The following GRIN2B variants were observed in gnomAD, a reference collection of about 807,000 sequenced individuals.
GRIN2B encodes the protein glutamate ionotropic receptor NMDA type subunit 2B.
GRIN2B carries 5 observed loss-of-function variants against 114.5 expected under a neutral mutation model. The ratio of observed to expected loss-of-function variants is 0.04; its 90% CI spans 0.02 to 0.09. GRIN2B has a LOEUF of 0.09. Among genes scored for constraint, GRIN2B ranks in the 10% least tolerant of loss-of-function variants. GRIN2B has a pLI of 1.00. For missense variants in GRIN2B, 1,108 were observed against 1,943.5 expected, an observed-to-expected ratio of 0.57 and a Z score of 8.08; for synonymous variants, 787 against 745.1, an observed-to-expected ratio of 1.06 and a Z score of -0.92.
rs116623250 is a variant in GRIN2B, at chr12:13,903,443, G to A, written c.-18-37217C>T. Among the ~76,000 whole-genome samples, 478 of 152,070 alleles carry A rather than the reference G, an allele frequency of 3.1e-3. 3 individuals are homozygous for A. Among genetic ancestry groups the A allele is most frequent in the African/African-American group, 0.01 (435 of 41,518 alleles). On this transcript the variant is annotated intron_variant, in intron 2 of 13. Coordinates refer to ENST00000609686, the MANE Select transcript of GRIN2B (RefSeq NM_000834.5). Reference sequence around the variant, plus strand: ...TAGCATTTTAGTTATTGTTCAATTCGAAATAGTTTCTAAACTTCTATTATG... The same window carrying A: ...TAGCATTTTAGTTATTGTTCAATTCAAAATAGTTTCTAAACTTCTATTATG...
rs374746622 is a variant in GRIN2B, at chr12:13,563,316, C to T, written c.3922G>A (p.Val1308Met). The T allele has an allele frequency of 4.6e-5, 74 of 1,614,074 alleles. No homozygotes were observed. The highest frequency in any genetic ancestry group is 1.6e-4 in the Middle Eastern group (1 of 6,084). ...GCGGCTTCTTCCTTCTGCAGGTCCA[C>T]GAAGGTGTCGTAGGAGTGCTGCCGG... ...LRRQHSYDTF[V>M]DLQKEEAALA... The change falls in exon 14 of 14, where the codon GTG becomes ATG. Residue 1308 changes from valine (V) to methionine (M), a missense_variant. Transcript: ENST00000609686.
At chr12:13,661,187 AT>A (rs1949919283) in intron 5 of GRIN2B, among the ~76,000 whole-genome samples, 1 of 152,096 alleles carries the variant, frequency 6.6e-6, no homozygotes. Context: ...GATCACTCCA[AT>A]TCTCTGTAAA....
intron 5 of GRIN2B, among the ~76,000 whole-genome samples, chr12:13,629,980 G>A (rs766744424): frequency 7.2e-5 from 11 of 152,030 alleles, no homozygotes; most frequent in Non-Finnish European, 1.3e-4. Context: ...TGCATATCTC[G>A]GCCTCACAAC....
At chr12:13,570,997 A>G (rs1290480473) in intron 11 of GRIN2B, among the ~76,000 whole-genome samples, 3 of 152,194 alleles carry the variant, frequency 2.0e-5, no homozygotes, top group African/African-American at 4.8e-5. Context: ...CTCAAATTCC[A>G]TCTTCTGAAA....
chr12:13,721,186 G>A (rs1950505308), intron 4 of GRIN2B, among the ~76,000 whole-genome samples: 1 of 152,048 alleles, frequency 6.6e-6, no homozygotes, highest in Non-Finnish European at 1.5e-5. Context: ...CCTGAGGCAG[G>A]AAGAAGCTTG....
rs74668734 is a variant in GRIN2B, at chr12:13,745,427, G to A, written c.1010+7890C>T. Among the ~76,000 whole-genome samples, 52 of 152,280 alleles carry A rather than the reference G, an allele frequency of 3.4e-4. No homozygotes were observed. The East Asian group carries it at 7.0e-3, about 20-fold the overall frequency. On this transcript the variant is annotated intron_variant, in intron 4 of 13. Coordinates refer to ENST00000609686, the MANE Select transcript of GRIN2B (RefSeq NM_000834.5). ...CCAAGGGAGCAAGAGCCTTGGGGACGCTGGCAGGCCAGGGCAAAGGTTAAC... is the reference window on the plus strand; with the variant it reads ...CCAAGGGAGCAAGAGCCTTGGGGACACTGGCAGGCCAGGGCAAAGGTTAAC...
rs3026174 is a variant in GRIN2B at position 13,560,850 on chromosome 12, C to T, written c.*1933G>A. 29,174 of 152,188 alleles carry T rather than the reference C, an allele frequency of 0.19. 3,067 individuals carry two copies. Among genetic ancestry groups the T allele is most frequent in the East Asian group, 0.46 (2,351 of 5,136 alleles). The allele number at this position is 152,188 out of a possible 1,614,324, so 9.4% of individuals were successfully genotyped here. A position where few individuals can be genotyped will look rare whatever the true frequency, so the allele number is the denominator to read the frequency against. On this transcript the variant is annotated 3_prime_UTR_variant, in exon 14 of 14. Transcript: ENST00000609686. ...TCAAGGGCGGGATGAGGAAGGGTCA[C>T]GAGTGAGGGCAAACAGGGGCGAAGA...
intron 10 of GRIN2B, among the ~76,000 whole-genome samples, chr12:13,575,485 C>T (rs1454651863): frequency 1.3e-5 from 2 of 151,936 alleles, no homozygotes; most frequent in African/African-American, 4.8e-5. Flanking sequence ...ATGGTGAAAT[C>T]CCATCTCTAC....
chr12:13,894,416 C>T (rs1337852325), intron 2 of GRIN2B, among the ~76,000 whole-genome samples: 2 of 151,890 alleles, frequency 1.3e-5, no homozygotes, highest in African/African-American at 4.8e-5. Flanking sequence ...TTATGTTTAC[C>T]AAGAGATTTC....
intron 3 of GRIN2B, among the ~76,000 whole-genome samples, chr12:13,824,536 GATCT>G (rs1490376210): frequency 6.6e-6 from 1 of 152,010 alleles, no homozygotes; most frequent in African/African-American, 2.4e-5. Flanking sequence ...TCTTGCTAGA[GATCT>G]ATCAATCTTA....
At chr12:13,928,414 A>C (rs1866957305) in intron 2 of GRIN2B, among the ~76,000 whole-genome samples, 1 of 152,232 alleles carries the variant, frequency 6.6e-6, no homozygotes, top group African/African-American at 2.4e-5. Flanking sequence ...GCTGTATAAT[A>C]GATAACAATT....
intron 4 of GRIN2B, among the ~76,000 whole-genome samples, chr12:13,697,799 A>C (rs1450937848): frequency 1.3e-5 from 2 of 152,170 alleles, no homozygotes; most frequent in African/African-American, 4.8e-5. Flanking sequence ...TCACTGTATA[A>C]AACACACACA....
At chr12:13,791,184 C>A (rs117110500) in intron 3 of GRIN2B, among the ~76,000 whole-genome samples, 4 of 152,042 alleles carry the variant, frequency 2.6e-5, no homozygotes, top group African/African-American at 9.7e-5. Context: ...CATGTCCTGG[C>A]GAGGCGCGGT....
intron 5 of GRIN2B, among the ~76,000 whole-genome samples, chr12:13,627,302 T>G (rs1462951008): frequency 2.0e-5 from 3 of 152,198 alleles, no homozygotes; most frequent in Admixed American, 6.5e-5. Context: ...AGTTGTCTTT[T>G]GCTTAAGCTG....
chr12:13,567,266 G>A lies in GRIN2B; in HGVS notation c.2360-3C>T. Reference sequence around the variant, plus strand: ...AGCTTCCAGTTCTTCCATCTCCCCTGGGGAAAGGACAGAGAAGGAAAATGG... The same window carrying A: ...AGCTTCCAGTTCTTCCATCTCCCCTAGGGAAAGGACAGAGAAGGAAAATGG... On this transcript the variant is annotated splice_polypyrimidine_tract_variant and splice_region_variant and intron_variant, in intron 12 of 13. Coordinates refer to ENST00000609686, the MANE Select transcript of GRIN2B (RefSeq NM_000834.5). 1.9e-6 allele frequency: 3 copies of A among 1,605,828 alleles called. No individual in the cohort carries two copies. Among genetic ancestry groups the A allele is most frequent in the South Asian group, 2.2e-5 (2 of 90,908 alleles).
chr12:13,978,415 A>C (rs552112783), intron 2 of GRIN2B, among the ~76,000 whole-genome samples: 1 of 152,326 alleles, frequency 6.6e-6, no homozygotes, highest in South Asian at 2.1e-4. Flanking sequence ...TTTCAGCAGT[A>C]AAACTCAAAA....
At position 13,556,637 on chromosome 12, in the gene GRIN2B, G is replaced by T. The variant is rs751407563; in HGVS notation, c.*6146C>A. ...CAGTTTAAATTGGGCTTAGTGTTGT[G>T]CTTTTTAATTGTACCTTAATTCTTG... On this transcript the variant is annotated 3_prime_UTR_variant, in exon 14 of 14. Coordinates refer to ENST00000609686, the MANE Select transcript of GRIN2B (RefSeq NM_000834.5). 8 of 152,176 alleles carry T rather than the reference G, an allele frequency of 5.3e-5. No individual in the cohort carries two copies. The highest frequency in any genetic ancestry group is 1.0e-4 in the Non-Finnish European group (7 of 68,024). 9.4% of individuals were successfully genotyped at this position (152,176 alleles called of 1,614,324 possible).
chr12:13,822,761 C>T (rs1324044062), intron 3 of GRIN2B, among the ~76,000 whole-genome samples: 2 of 147,202 alleles, frequency 1.4e-5, no homozygotes. Flanking sequence ...ATACATCCGC[C>T]AATCTTTTGA....
At chr12:13,604,532 C>G (rs1452549363) in intron 10 of GRIN2B, among the ~76,000 whole-genome samples, 1 of 152,100 alleles carries the variant, frequency 6.6e-6, no homozygotes, top group Non-Finnish European at 1.5e-5. Flanking sequence ...GTTTAGGAAC[C>G]CTTCTCCATT....
Sources: allele counts gnomAD v4.1 joint callset (sites outside exome capture counted in the v4.1 genomes callset), GRCh38; gene constraint gnomAD v4.1.1; transcripts MANE v1.5; gene names NCBI Gene and HGNC (gene_info 2026-07-23, HGNC 2026-07-21).